Variants in ATP1A1 observed in about 807,000 individuals in gnomAD.
ATP1A1 encodes sodium/potassium-transporting ATPase subunit alpha-1.
In ATP1A1, 14 loss-of-function variants were observed where a neutral mutation model predicts 114.8. The observed-to-expected ratio is 0.12, with a 90% CI of 0.08 to 0.19. The LOEUF is 0.19. Among genes scored for constraint, ATP1A1 ranks in the 10% least tolerant of loss-of-function variants. The pLI is 1.00. For synonymous variants in ATP1A1, 471 were observed against 466.3 expected, an observed-to-expected ratio of 1.01 and a Z score of -0.13; for missense variants, 524 against 1,290.7, an observed-to-expected ratio of 0.41 and a Z score of 9.10.
At chr1:116,374,796 C>CTA (rs1318841335) in intron 1 of ATP1A1, among the ~76,000 whole-genome samples, 2 of 152,090 alleles carry the variant, frequency 1.3e-5, no homozygotes, top group African/African-American at 4.8e-5. Flanking sequence ...CTTTGAAGGC[C>CTA]CTGAGGCTTC....
chr1:116,388,465 A>AAT lies in ATP1A1; in HGVS notation c.502-170_502-169dup. On this transcript the variant is annotated intron_variant, in intron 5 of 22. Transcript: ENST00000295598. This position sits in a 1 kb window ranked among gnomAD's most constrained non-coding sequence, Gnocchi z 5.6. ...GAATACAGGCACACCATGTAACAGC[A>AAT]ATATCTCTTAAACTGGCGAGCAAGC... is the stretch of plus-strand genomic sequence containing the variant. The AAT allele has an allele frequency of 9.9e-7, 1 of 1,007,856 alleles. No homozygotes were observed. Among genetic ancestry groups the AAT allele is most frequent in the Non-Finnish European group, 1.4e-6 (1 of 702,894 alleles). The allele number at this position is 1,007,856 out of a possible 1,614,324, so 62.4% of individuals were successfully genotyped here.
chr1:116,374,349 A>C, intron 1 of ATP1A1: 1 of 1,512,066 alleles, frequency 6.6e-7, no homozygotes, highest in Non-Finnish European at 9.0e-7. Flanking sequence ...ATTTTTTTTG[A>C]AGGGACGAGC....
intron 1 of ATP1A1, among the ~76,000 whole-genome samples, chr1:116,374,756 G>A (rs1306472686): frequency 6.6e-6 from 1 of 152,144 alleles, no homozygotes; most frequent in Non-Finnish European, 1.5e-5. Context: ...TTGTCTCCAG[G>A]GTTTAGCACA....
In ATP1A1 at chr1:116,401,826, A is replaced by G. The variant is rs144412855; in HGVS notation, c.2951+171A>G. The stretch of plus-strand genomic sequence containing the variant: ...ACATGTCAGTAAATCAGACTAACAA[A>G]TCCTGAGGCTTCCATGATAGCAGCT... On this transcript the variant is annotated intron_variant, in intron 21 of 22. Transcript: ENST00000295598. The surrounding 1 kb of genome is among the most constrained non-coding windows in gnomAD (Gnocchi z 4.7). The G allele has an allele frequency of 2.5e-4, 161 of 645,848 alleles. No homozygotes were observed. The highest frequency in any genetic ancestry group is 2.5e-3 in the African/African-American group (136 of 54,814). The allele number at this position is 645,848 out of a possible 1,614,324, so 40.0% of individuals were successfully genotyped here.
rs767519940 is a variant in ATP1A1, at chr1:116,395,071, C to T, written c.1661-39C>T. On this transcript the variant is annotated intron_variant, in intron 12 of 22. Coordinates refer to ENST00000295598, the MANE Select transcript of ATP1A1 (RefSeq NM_000701.8). The surrounding 1 kb of genome is among the most constrained non-coding windows in gnomAD (Gnocchi z 6.4). The stretch of plus-strand genomic sequence containing the variant: ...TGCTGTTGTCCTTCTTACTGCCCAG[C>T]GTCACTGAAATTTTCAAAGGCTCCT... 13 of 1,599,162 alleles carry T rather than the reference C, an allele frequency of 8.1e-6. No individual in the cohort carries two copies. Among genetic ancestry groups the T allele is most frequent in the South Asian group, 2.3e-5 (2 of 88,786 alleles).
Position 116,389,827 on chromosome 1 carries a change from C to G in ATP1A1, c.1023+120C>G. ...TTTATTCTGGATGTTTGATATAGTT[C>G]TTCTTGAGAGCCACATCACGTGGTG... On this transcript the variant is annotated intron_variant, in intron 8 of 22. Transcript: ENST00000295598. The surrounding 1 kb of genome is among the most constrained non-coding windows in gnomAD (Gnocchi z 6.9). 5 of 1,384,746 alleles carry G rather than the reference C, an allele frequency of 3.6e-6. No individual in the cohort carries two copies. The highest frequency in any genetic ancestry group is 2.2e-4 in the Middle Eastern group (1 of 4,476). 85.8% of individuals were successfully genotyped at this position (1,384,746 alleles called of 1,614,324 possible).
chr1:116,375,262 C>A (rs1376110657), intron 1 of ATP1A1, among the ~76,000 whole-genome samples: 1 of 152,246 alleles, frequency 6.6e-6, no homozygotes, highest in Non-Finnish European at 1.5e-5. Context: ...CTAGGCGTCC[C>A]TGATTCTTGA....
rs533989853 is a variant in ATP1A1 at position 116,381,685 on chromosome 1, G to T, written c.13-2329G>T. Among the ~76,000 whole-genome samples, 14 of 152,266 alleles carry T rather than the reference G, an allele frequency of 9.2e-5. No individual in the cohort carries two copies. Among genetic ancestry groups the T allele is most frequent in the African/African-American group, 3.1e-4 (13 of 41,540 alleles). On this transcript the variant is annotated intron_variant, in intron 1 of 22. Transcript: ENST00000295598. This position sits in a 1 kb window ranked among gnomAD's most constrained non-coding sequence, Gnocchi z 5.1. ...GGCAAGACATTTATTTTGTAAGTGGGGGTAAAACTTTGGAACGTGTTCAAA... is the reference window on the plus strand; with the variant it reads ...GGCAAGACATTTATTTTGTAAGTGGTGGTAAAACTTTGGAACGTGTTCAAA...
intron 21 of ATP1A1, among the ~76,000 whole-genome samples, chr1:116,402,577 G>A (rs975223988): frequency 1.8e-4 from 28 of 152,112 alleles, no homozygotes; most frequent in Admixed American, 2.0e-4. Context: ...GATGAGACTG[G>A]CATCCAGAGT....
rs763420770 is a variant in ATP1A1, at chr1:116,401,692, A to AT, written c.2951+38dup. The AT allele has an allele frequency of 7.6e-6, 12 of 1,583,682 alleles. No individual in the cohort carries two copies. The East Asian group carries it at 2.7e-4, about 35-fold the overall frequency. On this transcript the variant is annotated intron_variant, in intron 21 of 22. Transcript: ENST00000295598. The surrounding 1 kb of genome is among the most constrained non-coding windows in gnomAD (Gnocchi z 4.7). Reference sequence around the variant, plus strand: ...CTCTGGTAGCTCCAAAAAGTATGAAATAGTATGTGTGGCTTTTCCCCCCAT... The same window carrying AT: ...CTCTGGTAGCTCCAAAAAGTATGAAATTAGTATGTGTGGCTTTTCCCCCCAT...
chr1:116,389,678 G>A lies in ATP1A1; in HGVS notation c.994G>A (p.Val332Met). 6.2e-7 allele frequency: 1 copy of A among 1,614,188 alleles called. No homozygotes were observed. The change falls in exon 8 of 23, where the codon GTG becomes ATG. Residue 332 changes from valine (V) to methionine (M), a missense_variant. Val to Met is a conservative substitution (Grantham distance 21, BLOSUM62 1). Coordinates refer to ENST00000295598, the MANE Select transcript of ATP1A1 (RefSeq NM_000701.8). This position sits in a 1 kb window ranked among gnomAD's most constrained non-coding sequence, Gnocchi z 6.9. ...IFLIGIIVANVPEGLLATVTV... is the reference protein window; with the variant it reads ...IFLIGIIVANMPEGLLATVTV... ...CCTCATCGGTATCATCGTAGCCAAT[G>A]TGCCGGAAGGTTTGCTGGCCACTGT...
At position 116,392,823 on chromosome 1, in the gene ATP1A1, G is replaced by T. The variant is rs764535316; in HGVS notation, c.1333-31G>T. 13 of 1,582,712 alleles carry T rather than the reference G, an allele frequency of 8.2e-6. 1 individual carries two copies. The South Asian group carries it at 1.5e-4, about 18-fold the overall frequency. ...TGATGCCTCAGTGAAATTTTTTGGAGATAATTTACAGATGATGTCTCTGTT... is the reference window on the plus strand; with the variant it reads ...TGATGCCTCAGTGAAATTTTTTGGATATAATTTACAGATGATGTCTCTGTT... On this transcript the variant is annotated intron_variant, in intron 10 of 22. Transcript: ENST00000295598.
In ATP1A1 at chr1:116,373,331, A is replaced by G. The variant is rs1010250764; in HGVS notation, c.-181A>G. ...CGGTAGCAGCCCGGGCGGCGGCAGC[A>G]ACAGCGGCGGCGGCATCGGCCCGAG... is the stretch of plus-strand genomic sequence containing the variant. On this transcript the variant is annotated 5_prime_UTR_variant, in exon 1 of 23. Coordinates refer to ENST00000295598, the MANE Select transcript of ATP1A1 (RefSeq NM_000701.8). 3 of 517,216 alleles carry G rather than the reference A, an allele frequency of 5.8e-6. 1 individual carries two copies. The highest frequency in any genetic ancestry group is 7.4e-5 in the East Asian group (2 of 27,060). 32.0% of individuals were successfully genotyped at this position (517,216 alleles called of 1,614,324 possible). A position where few individuals can be genotyped will look rare whatever the true frequency, so the allele number is the denominator to read the frequency against.
At chr1:116,382,991 C>T (rs893400550) in intron 1 of ATP1A1, among the ~76,000 whole-genome samples, 4 of 152,154 alleles carry the variant, frequency 2.6e-5, no homozygotes, top group Non-Finnish European at 5.9e-5. Context: ...TCTTCTGCTC[C>T]GCTAAGCTTT....
rs1651990317 is a variant in ATP1A1 at position 116,384,987 on chromosome 1, A to C, written c.183+145A>C. On this transcript the variant is annotated intron_variant, in intron 3 of 22. Coordinates refer to ENST00000295598, the MANE Select transcript of ATP1A1 (RefSeq NM_000701.8). The surrounding 1 kb of genome is among the most constrained non-coding windows in gnomAD (Gnocchi z 5.1). ...CGTATCTACCATGTGACATGCACAG[A>C]ATTTGGGCATTTATATGCTACCGTT... The C allele has an allele frequency of 1.3e-6, 1 of 760,546 alleles. No individual in the cohort carries two copies. The highest frequency in any genetic ancestry group is 2.2e-6 in the Non-Finnish European group (1 of 458,222). The allele number at this position is 760,546 out of a possible 1,614,324, so 47.1% of individuals were successfully genotyped here.
At position 116,395,415 on chromosome 1, in the gene ATP1A1, A is replaced by G. The variant is rs919869595; in HGVS notation, c.1836+130A>G. On this transcript the variant is annotated intron_variant, in intron 13 of 22. Coordinates refer to ENST00000295598, the MANE Select transcript of ATP1A1 (RefSeq NM_000701.8). The surrounding 1 kb of genome is among the most constrained non-coding windows in gnomAD (Gnocchi z 6.4). ...CTGGAGTATTAATTTCTCATCTCCA[A>G]AGCTTTACTTCCACCCAGAAAAGAC... 2.0e-6 allele frequency: 2 copies of G among 1,004,252 alleles called. No individual in the cohort carries two copies. Among genetic ancestry groups the G allele is most frequent in the East Asian group, 2.9e-5 (1 of 35,026 alleles). 62.2% of individuals were successfully genotyped at this position (1,004,252 alleles called of 1,614,324 possible).
Position 116,399,715 on chromosome 1 carries a change from G to A in ATP1A1, c.2572+172G>A, listed in dbSNP as rs12134762. Among the ~76,000 whole-genome samples, 11,369 of 152,232 alleles carry A rather than the reference G, an allele frequency of 0.075. 964 individuals carry two copies. The highest frequency in any genetic ancestry group is 0.21 in the African/African-American group (8,611 of 41,488). On this transcript the variant is annotated intron_variant, in intron 18 of 22. Transcript: ENST00000295598. The surrounding 1 kb of genome is among the most constrained non-coding windows in gnomAD (Gnocchi z 5.0). ...TTTCTCTGAACTCTCTTCCATGTGAGAATACATCTGTTGCTGTTTGCCCAG... is the reference window on the plus strand; with the variant it reads ...TTTCTCTGAACTCTCTTCCATGTGAAAATACATCTGTTGCTGTTTGCCCAG...
chr1:116,400,730 G>A, intron 18 of ATP1A1, 131 bp from the exon 19 acceptor site: 3 of 1,155,626 alleles, frequency 2.6e-6, no homozygotes, highest in South Asian at 3.0e-5. Context: ...ATTCTTTCCT[G>A]TGCTTTTATC....
At chr1:116,378,534 G>A (rs146954975) in intron 1 of ATP1A1, among the ~76,000 whole-genome samples, 3 of 129,266 alleles carry the variant, frequency 2.3e-5, no homozygotes, top group Non-Finnish European at 5.1e-5. Flanking sequence ...TCGGTGAGCT[G>A]TGATTGCTCT....
Sources: gnomAD v4.1 joint callset for allele counts (sites outside exome capture counted in the v4.1 genomes callset) on GRCh38, gnomAD v4.1.1 for gene constraint, Gnocchi (gnomAD v3.1) non-coding constraint, MANE v1.5 for transcripts, NCBI Gene and HGNC (gene_info 2026-07-23, HGNC 2026-07-21) for gene names.